Variants in MAP2 observed in about 807,000 individuals in gnomAD.
The protein encoded by MAP2 is microtubule associated protein 2.
In MAP2, 14 loss-of-function variants were observed where a neutral mutation model predicts 137.6. The observed-to-expected ratio is 0.10, with a 90% CI of 0.07 to 0.16. The LOEUF (loss-of-function observed/expected upper bound fraction) is 0.16, where lower values mean the gene tolerates loss of function less well. Among genes scored for constraint, MAP2 ranks in the 10% least tolerant of loss-of-function variants. The pLI is 1.00. For missense variants in MAP2, 2,088 were observed against 2,191.5 expected, an observed-to-expected ratio of 0.95 and a Z score of 0.94; for synonymous variants, 786 against 782.3, an observed-to-expected ratio of 1.00 and a Z score of -0.08.
At chr2:209,464,440 A>G (rs1321682482) in intron 1 of MAP2, among the ~76,000 whole-genome samples, 3 of 152,176 alleles carry the variant, frequency 2.0e-5, no homozygotes, top group Non-Finnish European at 2.9e-5. Context: ...AATGAAGAAT[A>G]AATTATTGCA....
chr2:209,599,944 A>G (rs896552520), intron 3 of MAP2, among the ~76,000 whole-genome samples: 1 of 152,208 alleles, frequency 6.6e-6, no homozygotes, highest in African/African-American at 2.4e-5. Flanking sequence ...TATAATTAGT[A>G]GTAATTACTA....
At chr2:209,698,473 T>G (rs2060873683) in intron 10 of MAP2, among the ~76,000 whole-genome samples, 1 of 152,176 alleles carries the variant, frequency 6.6e-6, no homozygotes, top group South Asian at 2.1e-4. Flanking sequence ...CTTCGGATGG[T>G]TTTAAAGGTT....
chr2:209,671,047 C>T (rs1034299285), intron 5 of MAP2, among the ~76,000 whole-genome samples: 5 of 151,848 alleles, frequency 3.3e-5, no homozygotes, highest in African/African-American at 9.7e-5. Flanking sequence ...CATTTGTCTT[C>T]GTTAACTAAC....
intron 2 of MAP2, among the ~76,000 whole-genome samples, chr2:209,556,045 T>TC (rs1438323925): frequency 7.1e-5 from 10 of 141,714 alleles, no homozygotes; most frequent in African/African-American, 2.6e-4. Context: ...TTCTTTTCTT[T>TC]TTTTTTTTTT....
At chr2:209,678,748 C>A in intron 6 of MAP2, 63 bp downstream of exon 6, 1 of 938,148 alleles carries the variant, frequency 1.1e-6, no homozygotes, top group Non-Finnish European at 1.6e-6. Flanking sequence ...AGGATAAAGT[C>A]TTCATGTTCA....
At chr2:209,494,229 A>G (rs2059467717) in intron 1 of MAP2, among the ~76,000 whole-genome samples, 1 of 152,160 alleles carries the variant, frequency 6.6e-6, no homozygotes. Context: ...TGAGAGTTGA[A>G]CAATGAGAAC....
rs527529630 is a variant in MAP2 at position 209,543,301 on chromosome 2, C to A, written c.-172+35660C>A. On this transcript the variant is annotated intron_variant, in intron 2 of 15. Transcript: ENST00000682079. ...TTGTGGCATCCCAAAACAATTACAA[C>A]AGTAACGTCAAAGATCACTGATCAT... Among the ~76,000 whole-genome samples, 6 of 152,264 alleles carry A rather than the reference C, an allele frequency of 3.9e-5. No individual in the cohort carries two copies. The South Asian group carries it at 8.3e-4, about 21-fold the overall frequency.
At chr2:209,469,102 T>C (rs1158560667) in intron 1 of MAP2, among the ~76,000 whole-genome samples, 1 of 152,250 alleles carries the variant, frequency 6.6e-6, no homozygotes, top group Non-Finnish European at 1.5e-5. Context: ...TTTAAATGCG[T>C]GAATCCTCTT....
intron 2 of MAP2, among the ~76,000 whole-genome samples, chr2:209,530,631 C>A (rs770356027): frequency 6.6e-6 from 1 of 152,118 alleles, no homozygotes; most frequent in Non-Finnish European, 1.5e-5. Context: ...TGAATTAAAT[C>A]ATAAATTCTA....
intron 1 of MAP2, among the ~76,000 whole-genome samples, chr2:209,471,968 C>T (rs1035736405): frequency 6.6e-6 from 1 of 152,016 alleles, no homozygotes; most frequent in African/African-American, 2.4e-5. Flanking sequence ...AGTTTCACAG[C>T]CAATTTTGCT....
intron 7 of MAP2, among the ~76,000 whole-genome samples, chr2:209,683,375 A>T (rs2055596384): frequency 6.6e-6 from 1 of 152,208 alleles, no homozygotes; most frequent in Admixed American, 6.6e-5. Context: ...TGATTTTAAA[A>T]GTATAACCAT....
rs575182324 is a variant in MAP2 at position 209,634,682 on chromosome 2, T to C, written c.-30+9553T>C. 2.6e-5 allele frequency among the ~76,000 whole-genome samples: 4 copies of C among 152,282 alleles called. No homozygotes were observed. The South Asian group carries it at 6.2e-4, about 24-fold the overall frequency. On this transcript the variant is annotated intron_variant, in intron 4 of 15. Coordinates refer to ENST00000682079, the MANE Select transcript of MAP2 (RefSeq NM_001375505.1). ...AGATTTTGGTAAATGGTTAGCAGTCTCTGTTATACCAAGGGAAAATCTGCC... is the reference window on the plus strand; with the variant it reads ...AGATTTTGGTAAATGGTTAGCAGTCCCTGTTATACCAAGGGAAAATCTGCC...
intron 5 of MAP2, among the ~76,000 whole-genome samples, chr2:209,678,326 TGTAA>T (rs1334983251): frequency 6.6e-6 from 1 of 152,046 alleles, no homozygotes; most frequent in African/African-American, 2.4e-5. Context: ...TCAAATACTA[TGTAA>T]GTATTTTTTC....
At chr2:209,619,567 A>T (rs1442032692) in intron 3 of MAP2, among the ~76,000 whole-genome samples, 1 of 152,064 alleles carries the variant, frequency 6.6e-6, no homozygotes, top group Non-Finnish European at 1.5e-5. Context: ...AAATACTGAT[A>T]CATGTGCCCC....
chr2:209,585,568 G>A (rs2077496777), intron 3 of MAP2, among the ~76,000 whole-genome samples: 1 of 152,060 alleles, frequency 6.6e-6, no homozygotes, highest in Admixed American at 6.6e-5. Context: ...AAAATCATAA[G>A]GATATAATTT....
At chr2:209,594,616 T>C (rs1006754146) in intron 3 of MAP2, among the ~76,000 whole-genome samples, 3 of 152,190 alleles carry the variant, frequency 2.0e-5, no homozygotes, top group Non-Finnish European at 4.4e-5. Flanking sequence ...ATTTTATTAT[T>C]TACTGATACT....
chr2:209,452,695 T>C (rs576036508), intron 1 of MAP2, among the ~76,000 whole-genome samples: 2 of 152,198 alleles, frequency 1.3e-5, no homozygotes, highest in Non-Finnish European at 2.9e-5. Context: ...CTATCTCTTA[T>C]AATGCTTCTC....
At chr2:209,489,052 C>G (rs2058750251) in intron 1 of MAP2, among the ~76,000 whole-genome samples, 1 of 152,204 alleles carries the variant, frequency 6.6e-6, no homozygotes, top group South Asian at 2.1e-4. Context: ...TGGCTGGCAT[C>G]TGGTGGGTGT....
intron 3 of MAP2, among the ~76,000 whole-genome samples, chr2:209,593,219 G>A (rs533860971): frequency 2.0e-5 from 3 of 152,020 alleles, no homozygotes; most frequent in African/African-American, 4.8e-5. Flanking sequence ...ATACTTGTAA[G>A]TTCTCTCTTC....
Sources: gnomAD v4.1 joint callset for allele counts (sites outside exome capture counted in the v4.1 genomes callset) on GRCh38, gnomAD v4.1.1 for gene constraint, MANE v1.5 for transcripts, NCBI Gene and HGNC (gene_info 2026-07-23, HGNC 2026-07-21) for gene names.